The following SGCZ variants were observed in gnomAD, a reference collection of about 807,000 sequenced individuals.
SGCZ encodes the protein sarcoglycan zeta.
A neutral mutation model predicts 41.3 loss-of-function variants in SGCZ; 40 were observed. The observed-to-expected ratio is 0.97, with a 90% confidence interval of 0.75 to 1.26. The LOEUF is 1.26. SGCZ is among the 50% of genes most tolerant of loss of function. The pLI is 0.00. For missense variants in SGCZ, 552 were observed against 369.8 expected, an observed-to-expected ratio of 1.49 and a Z score of -4.04; for synonymous variants, 206 against 137.5, an observed-to-expected ratio of 1.50 and a Z score of -3.49.
At chr8:15,031,777 AT>A (rs1049941351) in intron 1 of SGCZ, among the ~76,000 whole-genome samples, 1 of 152,186 alleles carries the variant, frequency 6.6e-6, no homozygotes, top group Non-Finnish European at 1.5e-5. Context: ...TGCTAGTCAA[AT>A]AAACAGTGAA....
At chr8:15,173,206 C>T (rs1240459612) in intron 1 of SGCZ, among the ~76,000 whole-genome samples, 3 of 152,244 alleles carry the variant, frequency 2.0e-5, no homozygotes, top group Non-Finnish European at 4.4e-5. Flanking sequence ...TAATAAAAAA[C>T]ATATAACATG....
chr8:14,439,323 AT>A (rs1346013320), intron 2 of SGCZ, among the ~76,000 whole-genome samples: 1 of 148,266 alleles, frequency 6.7e-6, no homozygotes, highest in Non-Finnish European at 1.5e-5. Flanking sequence ...ATATATATAT[AT>A]ATATATCTCC....
At chr8:14,419,476 T>C (rs1304276485) in intron 2 of SGCZ, among the ~76,000 whole-genome samples, 1 of 151,946 alleles carries the variant, frequency 6.6e-6, no homozygotes, top group Non-Finnish European at 1.5e-5. Context: ...ATGAGATTTT[T>C]TGTCTCATTA....
At chr8:15,015,000 G>A (rs1363945347) in intron 1 of SGCZ, among the ~76,000 whole-genome samples, 4 of 152,192 alleles carry the variant, frequency 2.6e-5, no homozygotes, top group Non-Finnish European at 5.9e-5. Context: ...ATCCCACTTT[G>A]GGAGGCCAAG....
At chr8:15,156,072 A>T (rs1437827203) in intron 1 of SGCZ, among the ~76,000 whole-genome samples, 1 of 151,894 alleles carries the variant, frequency 6.6e-6, no homozygotes, top group Non-Finnish European at 1.5e-5. Context: ...AAAAAAAAAA[A>T]AAATAGAAGA....
intron 1 of SGCZ, among the ~76,000 whole-genome samples, chr8:15,127,794 A>G (rs1807760660): frequency 6.6e-6 from 1 of 152,228 alleles, no homozygotes. Context: ...TCAACACAAA[A>G]TAAATAGAAA....
At chr8:14,564,956 AT>A (rs201141098) in intron 1 of SGCZ, among the ~76,000 whole-genome samples, 15 of 150,552 alleles carry the variant, frequency 1.0e-4, no homozygotes, top group South Asian at 2.1e-4. Context: ...TTTGGAGTGG[AT>A]TTTTTTTTTC....
chr8:15,112,042 T>A (rs746094025), intron 1 of SGCZ, among the ~76,000 whole-genome samples: 19 of 152,194 alleles, frequency 1.2e-4, no homozygotes, highest in Non-Finnish European at 2.2e-4. Flanking sequence ...CTGGTAACAC[T>A]ATGAGCACTA....
At chr8:14,539,272 A>T (rs77521135) in intron 2 of SGCZ, among the ~76,000 whole-genome samples, 2,347 of 152,056 alleles carry the variant, frequency 0.015, 58 homozygotes, top group African/African-American at 0.054. Context: ...CATGTGAACC[A>T]ATTCTGTAAC....
At chr8:14,243,784 A>C (rs1798977009) in intron 3 of SGCZ, among the ~76,000 whole-genome samples, 1 of 151,758 alleles carries the variant, frequency 6.6e-6, no homozygotes, top group South Asian at 2.1e-4. Context: ...AAGCCTTTCT[A>C]CTCCTCCAGA....
chr8:15,029,043 C>T (rs564196681), intron 1 of SGCZ, among the ~76,000 whole-genome samples: 1 of 152,138 alleles, frequency 6.6e-6, no homozygotes, highest in South Asian at 2.1e-4. Context: ...AACATCAATG[C>T]CTAATTGAAG....
intron 5 of SGCZ, among the ~76,000 whole-genome samples, chr8:14,109,346 A>G (rs1459501622): frequency 6.6e-6 from 1 of 152,194 alleles, no homozygotes; most frequent in Non-Finnish European, 1.5e-5. Flanking sequence ...GGATACTTCA[A>G]TTACCAAAAT....
chr8:14,143,620 G>A (rs745655822), intron 5 of SGCZ, among the ~76,000 whole-genome samples: 1 of 152,132 alleles, frequency 6.6e-6, no homozygotes, highest in East Asian at 1.9e-4. Flanking sequence ...CCTACTGCAA[G>A]GGCACCAATT....
chr8:14,424,658 G>A (rs141840123), intron 2 of SGCZ, among the ~76,000 whole-genome samples: 7 of 152,152 alleles, frequency 4.6e-5, no homozygotes, highest in Non-Finnish European at 2.9e-5. Flanking sequence ...CATGCATGCC[G>A]TTATTTTCAT....
intron 4 of SGCZ, among the ~76,000 whole-genome samples, chr8:14,196,954 A>G (rs1433461030): frequency 3.9e-5 from 6 of 152,162 alleles, no homozygotes; most frequent in Non-Finnish European, 8.8e-5. Context: ...GGAAAGGCAT[A>G]TAGGACAGGA....
At chr8:15,187,322 T>C (rs1033690238) in intron 1 of SGCZ, among the ~76,000 whole-genome samples, 1 of 152,098 alleles carries the variant, frequency 6.6e-6, no homozygotes, top group Non-Finnish European at 1.5e-5. Flanking sequence ...TGAATTTGCT[T>C]TAAGAATTGG....
chr8:14,647,869 A>G (rs977114516), intron 1 of SGCZ, among the ~76,000 whole-genome samples: 19 of 152,034 alleles, frequency 1.2e-4, no homozygotes, highest in Middle Eastern at 3.2e-3. Flanking sequence ...ACAGCCTTAC[A>G]GTTCTGTGAC....
chr8:15,064,264 G>C (rs1805041482), intron 1 of SGCZ, among the ~76,000 whole-genome samples: 1 of 152,064 alleles, frequency 6.6e-6, no homozygotes, highest in Admixed American at 6.6e-5. Flanking sequence ...ATATGAAGCA[G>C]AATTCATCAC....
chr8:14,915,404 A>G (rs1799403412), intron 1 of SGCZ, among the ~76,000 whole-genome samples: 1 of 152,180 alleles, frequency 6.6e-6, no homozygotes, highest in African/African-American at 2.4e-5. Context: ...AATGAAAAGC[A>G]GCCCCAAATC....
Sources: gnomAD v4.1 joint callset for allele counts (sites outside exome capture counted in the v4.1 genomes callset) on GRCh38, gnomAD v4.1.1 for gene constraint, MANE v1.5 for transcripts, NCBI Gene and HGNC (gene_info 2026-07-23, HGNC 2026-07-21) for gene names.